Variants in IL20RB observed in about 807,000 individuals in gnomAD.
The protein encoded by IL20RB is interleukin-20 receptor subunit beta.
Under a neutral mutation model 33.3 loss-of-function variants are expected in IL20RB, and 21 were observed. The observed-to-expected ratio is 0.63, with a 90% CI of 0.45 to 0.91. The LOEUF (loss-of-function observed/expected upper bound fraction) is 0.91, where lower values mean the gene tolerates loss of function less well. Among genes scored for constraint, IL20RB ranks in the 40% least tolerant of loss-of-function variants. IL20RB has a pLI of 0.00. For synonymous variants in IL20RB, 147 were observed against 146.8 expected (o/e 1.00, Z -0.01); for missense variants, 345 against 384.8 (o/e 0.90, Z 0.86).
intron 1 of IL20RB, among the ~76,000 whole-genome samples, chr3:136,979,488 C>G (rs361242): frequency 0.46 from 70,717 of 152,108 alleles, 16,966 homozygotes; most frequent in East Asian, 0.7. Context: ...GGCATTTAAA[C>G]AGGAACATAG....
At chr3:137,008,709 A>C (rs547168956) in intron 6 of IL20RB, among the ~76,000 whole-genome samples, 1 of 152,322 alleles carries the variant, frequency 6.6e-6, no homozygotes. Context: ...TAAATATAAA[A>C]TATGGAATGG....
chr3:136,985,973 A>G (rs879488773), intron 3 of IL20RB, among the ~76,000 whole-genome samples: 2 of 152,152 alleles, frequency 1.3e-5, no homozygotes, highest in Non-Finnish European at 2.9e-5. Flanking sequence ...GAACAATGTT[A>G]GGCTGGGCAT....
chr3:136,966,827 G>A (rs1281655515), intron 1 of IL20RB, among the ~76,000 whole-genome samples: 1 of 47,112 alleles, frequency 2.1e-5, no homozygotes, highest in Non-Finnish European at 3.8e-5. Context: ...TTCTCTTCTG[G>A]GCATTTAGTG....
At chr3:136,980,409 A>G (rs1941740648) in intron 1 of IL20RB, 57 bp from the exon 2 acceptor site, 1 of 1,611,880 alleles carries the variant, frequency 6.2e-7, no homozygotes, top group Non-Finnish European at 8.5e-7. Flanking sequence ...ATTTGAAGCT[A>G]TGGCATTCCC....
chr3:137,009,276 G>C (rs183286135), intron 6 of IL20RB, among the ~76,000 whole-genome samples: 17 of 152,328 alleles, frequency 1.1e-4, no homozygotes, highest in African/African-American at 3.6e-4. Flanking sequence ...GAAGAACCTA[G>C]AGATTTTGGC....
rs866848930 is a variant in IL20RB at position 136,971,576 on chromosome 3, G to A, written c.89-8890G>A. Among the ~76,000 whole-genome samples the A allele has an allele frequency of 2.6e-5, 4 of 152,342 alleles. No homozygotes were observed. The South Asian group carries it at 8.3e-4, about 32-fold the overall frequency. ...AAAATCGTTTAGCTCCCACATGTAA[G>A]TGAGAACATATGATATTTGTTTTTT... On this transcript the variant is annotated intron_variant, in intron 1 of 6. Coordinates refer to ENST00000329582, the MANE Select transcript of IL20RB (RefSeq NM_144717.4).
chr3:136,989,452 C>T lies in IL20RB; in HGVS notation c.418C>T (p.Arg140Ter), dbSNP rs1314496146. Residue 140 changes from arginine (R) to a stop codon, truncating the protein, a stop_gained, in exon 4 of 7, where the codon CGA becomes TGA. Transcript: ENST00000329582. LOFTEE classifies it high-confidence loss of function. ...TGTCTTGCCAACAGCCATCCTTACC[C>T]GACCTGGGATGGAGATCACCAAAGA... Reference protein sequence around the residue: ...PFNRNSTILTRPGMEITKDGF... With the variant: ...PFNRNSTILT 1.4e-5 allele frequency: 22 copies of T among 1,613,746 alleles called. No individual in the cohort carries two copies. The highest frequency in any genetic ancestry group is 1.6e-5 in the Non-Finnish European group (19 of 1,179,850).
At chr3:137,004,788 T>C (rs1942319908) in intron 6 of IL20RB, among the ~76,000 whole-genome samples, 1 of 152,226 alleles carries the variant, frequency 6.6e-6, no homozygotes, top group African/African-American at 2.4e-5. Context: ...CTCAACTTAG[T>C]TATTTCTTGC....
intron 6 of IL20RB, among the ~76,000 whole-genome samples, chr3:137,005,476 T>C (rs138489050): frequency 6.6e-6 from 1 of 152,352 alleles, no homozygotes; most frequent in African/African-American, 2.4e-5. Context: ...ATATTTAGGA[T>C]AGCTAACTCT....
intron 3 of IL20RB, 72 bp downstream of exon 3, chr3:136,982,422 T>C (rs571304099): frequency 8.9e-7 from 1 of 1,128,806 alleles, no homozygotes; most frequent in South Asian, 1.6e-5. Flanking sequence ...ACCTAAACTT[T>C]CTAGACTCTT....
At chr3:136,995,954 A>G (rs961218266) in intron 6 of IL20RB, among the ~76,000 whole-genome samples, 3 of 152,140 alleles carry the variant, frequency 2.0e-5, no homozygotes, top group Non-Finnish European at 4.4e-5. Flanking sequence ...TTCCAACCCA[A>G]CTTATTCAAT....
intron 3 of IL20RB, among the ~76,000 whole-genome samples, chr3:136,988,774 C>T (rs915420898): frequency 1.3e-5 from 2 of 151,976 alleles, no homozygotes; most frequent in African/African-American, 2.4e-5. Context: ...AAAAAAAAGC[C>T]GGTGACTTGC....
At chr3:136,979,402 T>TG (rs1364285476) in intron 1 of IL20RB, among the ~76,000 whole-genome samples, 1 of 152,130 alleles carries the variant, frequency 6.6e-6, no homozygotes, top group Non-Finnish European at 1.5e-5. Context: ...AAGTCCCAAA[T>TG]GAGGACTCCA....
chr3:136,987,819 C>T (rs1219371407), intron 3 of IL20RB, among the ~76,000 whole-genome samples: 2 of 152,220 alleles, frequency 1.3e-5, no homozygotes, highest in Non-Finnish European at 2.9e-5. Context: ...CCCTCCGCAG[C>T]CGCTGGCCCG....
At chr3:136,990,244 T>A (rs1942004856) in intron 4 of IL20RB, among the ~76,000 whole-genome samples, 1 of 151,912 alleles carries the variant, frequency 6.6e-6, no homozygotes, top group Non-Finnish European at 1.5e-5. Flanking sequence ...AAGCATATGA[T>A]GACAAAGCTT....
rs116592904 is a variant in IL20RB, at chr3:137,010,179, G to T, written c.892G>T (p.Ala298Ser). 1 of 1,607,716 alleles carries T rather than the reference G, an allele frequency of 6.2e-7. No individual in the cohort carries two copies. The highest frequency in any genetic ancestry group is 1.7e-5 in the Admixed American group (1 of 60,002). Residue 298 changes from alanine to serine, a missense_variant, in exon 7 of 7, where the codon GCT becomes TCT. Ala to Ser is a moderately conservative substitution (Grantham distance 99, BLOSUM62 1). Coordinates refer to ENST00000329582, the MANE Select transcript of IL20RB (RefSeq NM_144717.4). ...RREEVDACATAVMSPEELLRA... is the reference protein window; with the variant it reads ...RREEVDACATSVMSPEELLRA... ...GGAGGAGGTGGATGCCTGTGCCACG[G>T]CTGTGATGTCTCCTGAGGAACTCCT...
intron 1 of IL20RB, among the ~76,000 whole-genome samples, chr3:136,976,014 T>A (rs1314749210): frequency 1.3e-5 from 2 of 152,172 alleles, no homozygotes; most frequent in African/African-American, 2.4e-5. Context: ...CCGAGAGTTG[T>A]CCTTTTATGA....
chr3:136,962,895 GA>G (rs1941263076), intron 1 of IL20RB, among the ~76,000 whole-genome samples: 1 of 146,646 alleles, frequency 6.8e-6, no homozygotes, highest in Non-Finnish European at 1.5e-5. Context: ...AGCATTAGGG[GA>G]AAAACTGATG....
At chr3:136,975,809 G>A (rs1470621783) in intron 1 of IL20RB, among the ~76,000 whole-genome samples, 3 of 152,174 alleles carry the variant, frequency 2.0e-5, no homozygotes, top group South Asian at 2.1e-4. Flanking sequence ...ATGCCTGTCC[G>A]TGTTTCCCAG....
Sources: gnomAD v4.1 joint callset for allele counts (sites outside exome capture counted in the v4.1 genomes callset) on GRCh38, gnomAD v4.1.1 for gene constraint, MANE v1.5 for transcripts, NCBI Gene and HGNC (gene_info 2026-07-23, HGNC 2026-07-21) for gene names.